EHBP1L1: variants seen among roughly 807,000 people sequenced by gnomAD.
EHBP1L1 encodes the protein EH domain-binding protein 1-like protein 1.
A neutral mutation model predicts 151.1 loss-of-function variants in EHBP1L1; 122 were observed. The observed-to-expected ratio is 0.81, with a 90% CI of 0.70 to 0.94. EHBP1L1 has a LOEUF of 0.94. Ranked by LOEUF, EHBP1L1 falls within the 40% of genes least tolerant of loss-of-function variation. EHBP1L1 has a pLI of 0.00. For missense variants in EHBP1L1, 1,941 were observed against 1,959.8 expected (o/e 0.99, Z 0.18); for synonymous variants, 878 against 810.1 (o/e 1.08, Z -1.42).
rs1857922477 is a variant in EHBP1L1, at chr11:65,585,523, CG to C, written c.3867del (p.Leu1290CysfsTer88). 2 of 1,571,724 alleles carry C rather than the reference CG, an allele frequency of 1.3e-6. No individual in the cohort carries two copies. Among genetic ancestry groups the C allele is most frequent in the Non-Finnish European group, 1.7e-6 (2 of 1,166,178 alleles). On this transcript the variant is annotated frameshift_variant, in exon 12 of 19. Transcript: ENST00000309295. LOFTEE classifies it high-confidence loss of function. The surrounding 1 kb of genome is among the most constrained non-coding windows in gnomAD (Gnocchi z 4.0). ...DADLLKKRRS[R>X]LRNSSSFSMD... ...GGACCTGCTCAAGAAGAGGCGCTCG[CG>C]GCTGCGGAACAGCAGCTCGTTCTCG...
rs759945845 is a variant in EHBP1L1 at position 65,576,289 on chromosome 11, G to C, written c.-14G>C. 1 of 1,573,658 alleles carries C rather than the reference G, an allele frequency of 6.4e-7. No homozygotes were observed. Among genetic ancestry groups the C allele is most frequent in the Non-Finnish European group, 8.6e-7 (1 of 1,162,658 alleles). Reference sequence around the variant, plus strand: ...CCCCGGGCCTGAGAAGTGGGCGGCGGGGTGGCGGGGGCCATGACCTCGGTG... The same window carrying C: ...CCCCGGGCCTGAGAAGTGGGCGGCGCGGTGGCGGGGGCCATGACCTCGGTG... On this transcript the variant is annotated 5_prime_UTR_variant, in exon 1 of 19. Transcript: ENST00000309295.
At chr11:65,584,586 G>A in intron 11 of EHBP1L1, 52 bp downstream of exon 11, 7 of 1,585,472 alleles carry the variant, frequency 4.4e-6, no homozygotes, top group Non-Finnish European at 6.0e-6. Context: ...GGAGAGCCAG[G>A]CTCTCAGTGT....
rs764228667 is a variant in EHBP1L1, at chr11:65,576,437, C to G, written c.104+31C>G. The G allele has an allele frequency of 2.7e-5, 41 of 1,539,556 alleles. No homozygotes were observed. The East Asian group carries it at 9.9e-4, about 37-fold the overall frequency. On this transcript the variant is annotated intron_variant, in intron 1 of 18. Coordinates refer to ENST00000309295, the MANE Select transcript of EHBP1L1 (RefSeq NM_001099409.3). ...TGGGAGGGAGGCGGGGGGGCTCCCCCGAACTTGCTGGGACCTCATCCGGCC... is the reference window on the plus strand; with the variant it reads ...TGGGAGGGAGGCGGGGGGGCTCCCCGGAACTTGCTGGGACCTCATCCGGCC...
At chr11:65,576,518 C>G in intron 1 of EHBP1L1, 112 bp downstream of exon 1, 2 of 933,574 alleles carry the variant, frequency 2.1e-6, no homozygotes, top group Non-Finnish European at 3.1e-6. Context: ...GGGCCCCCAC[C>G]CCAGCTTGGG....
At position 65,581,353 on chromosome 11, in the gene EHBP1L1, G is replaced by A. The variant is rs754189288; in HGVS notation, c.846G>A (p.Pro282=). The A allele has an allele frequency of 4.6e-5, 72 of 1,577,090 alleles. No individual in the cohort carries two copies. Among genetic ancestry groups the A allele is most frequent in the Middle Eastern group, 1.7e-4 (1 of 5,916 alleles). Residue 282 remains proline, a synonymous_variant, in exon 8 of 19, where the codon CCG becomes CCA. Transcript: ENST00000309295. The part of the protein sequence containing the change: ...GQVGPEAPRP[P]ETSPEMRSSR... Reference sequence around the variant, plus strand: ...TAGGCCCTGAGGCCCCAAGGCCCCCGGAAACCTCACCAGAGATGAGGTGAG... The same window carrying A: ...TAGGCCCTGAGGCCCCAAGGCCCCCAGAAACCTCACCAGAGATGAGGTGAG...
chr11:65,592,160 G>C, intron 18 of EHBP1L1, 43 bp from the exon 19 acceptor site: 1 of 1,605,500 alleles, frequency 6.2e-7, no homozygotes, highest in East Asian at 2.2e-5. Context: ...GCTGCGTGTG[G>C]ACCCCGCCCA....
chr11:65,585,701 G>T lies in EHBP1L1; in HGVS notation c.3933+110G>T. 6.8e-7 allele frequency: 1 copy of T among 1,476,238 alleles called. No individual in the cohort carries two copies. Among genetic ancestry groups the T allele is most frequent in the Admixed American group, 2.3e-5 (1 of 44,232 alleles). The allele number at this position is 1,476,238 out of a possible 1,614,324, so 91.4% of individuals were successfully genotyped here. A position where few individuals can be genotyped will look rare whatever the true frequency, so the allele number is the denominator to read the frequency against. ...GCCCCAAGGACAGAGCTGGCGCGAG[G>T]GTGACGGTTTCAGAGTGGCGGGGCT... On this transcript the variant is annotated intron_variant, in intron 12 of 18. Coordinates refer to ENST00000309295, the MANE Select transcript of EHBP1L1 (RefSeq NM_001099409.3). This position sits in a 1 kb window ranked among gnomAD's most constrained non-coding sequence, Gnocchi z 4.0.
In EHBP1L1 at chr11:65,583,084, A is replaced by C; in HGVS notation, c.2412A>C (p.Ser804=). The stretch of plus-strand genomic sequence containing the variant: ...TCCAGGTGAAAGAGGTTGGGGGTTC[A>C]GAGGTTCCAGAGATAGCGACTGGGA... ...TGIQVKEVGG[S]EVPEIATGTA... The change falls in exon 9 of 19, where the codon TCA becomes TCC. Residue 804 remains serine, a synonymous_variant. Transcript: ENST00000309295. 1 of 1,613,378 alleles carries C rather than the reference A, an allele frequency of 6.2e-7. No individual in the cohort carries two copies. The highest frequency in any genetic ancestry group is 8.5e-7 in the Non-Finnish European group (1 of 1,179,760).
intron 9 of EHBP1L1, chr11:65,584,030 G>A (rs905708630): frequency 1.4e-6 from 2 of 1,412,134 alleles, no homozygotes; most frequent in South Asian, 1.7e-5. Context: ...CTCTGATCTT[G>A]TCTGGGGGCC....
chr11:65,592,297 A>C lies in EHBP1L1; in HGVS notation c.4567A>C (p.Ser1523Arg). The change falls in exon 19 of 19, where the codon AGC becomes CGC. Residue 1523 changes from serine (S) to arginine (R), a missense_variant. Physicochemically the swap from Ser to Arg is moderately radical, Grantham distance 110. Coordinates refer to ENST00000309295, the MANE Select transcript of EHBP1L1 (RefSeq NM_001099409.3). ...QLSRRERCVL[S>R] ...GAGCCGGCGGGAGCGCTGCGTGCTG[A>C]GCTGAGGCCGCCGGCCCGGGTGGCC... 1 of 1,491,208 alleles carries C rather than the reference A, an allele frequency of 6.7e-7. No homozygotes were observed. Among genetic ancestry groups the C allele is most frequent in the Non-Finnish European group, 8.9e-7 (1 of 1,129,102 alleles). The allele number at this position is 1,491,208 out of a possible 1,614,324, so 92.4% of individuals were successfully genotyped here.
Position 65,583,355 on chromosome 11 carries a change from A to T in EHBP1L1, c.2683A>T (p.Ser895Cys), listed in dbSNP as rs185157950. The T allele has an allele frequency of 2.0e-3, 3,297 of 1,613,458 alleles. 4 individuals carry two copies. Among genetic ancestry groups the T allele is most frequent in the Non-Finnish European group, 2.6e-3 (3,030 of 1,179,704 alleles). The change falls in exon 9 of 19, where the codon AGT becomes TGT. Residue 895 changes from serine to cysteine, a missense_variant. Coordinates refer to ENST00000309295, the MANE Select transcript of EHBP1L1 (RefSeq NM_001099409.3). ...CCAGGAAGCAGAGACTAGAGTTGGG[A>T]GTGCTCTCAAATATGAGGCTTTAAG... ...GVQEAETRVGSALKYEALRAP... is the reference protein window; with the variant it reads ...GVQEAETRVGCALKYEALRAP...
intron 11 of EHBP1L1, 103 bp from the exon 12 acceptor site, chr11:65,584,856 C>T (rs1857849704): frequency 1.4e-6 from 2 of 1,439,404 alleles, no homozygotes; most frequent in Admixed American, 2.6e-5. Context: ...AGGCAAAACC[C>T]GGGGTGCCAA....
chr11:65,581,864 T>G lies in EHBP1L1; in HGVS notation c.1192T>G (p.Ser398Ala). The G allele has an allele frequency of 6.2e-7, 1 of 1,613,322 alleles. No homozygotes were observed. Residue 398 changes from serine to alanine, a missense_variant, in exon 9 of 19, where the codon TCA becomes GCA. By Grantham distance (99) the Ser-to-Ala change is moderately conservative. Coordinates refer to ENST00000309295, the MANE Select transcript of EHBP1L1 (RefSeq NM_001099409.3). ...CAGTGGGGTGGACACTGAGCCAAGGTCAGGAGGCAGAGAGGCAAACACTAA... is the reference window on the plus strand; with the variant it reads ...CAGTGGGGTGGACACTGAGCCAAGGGCAGGAGGCAGAGAGGCAAACACTAA... ...EASGVDTEPR[S>A]GGREANTKRS...
chr11:65,589,389 C>G (rs1222954050), intron 12 of EHBP1L1, among the ~76,000 whole-genome samples: 1 of 152,112 alleles, frequency 6.6e-6, no homozygotes, highest in Non-Finnish European at 1.5e-5. Context: ...GAATCTCCAT[C>G]TCAAAAAAAG....
At position 65,581,269 on chromosome 11, in the gene EHBP1L1, C is replaced by G; in HGVS notation, c.762C>G (p.Pro254=). Residue 254 remains proline, a synonymous_variant, in exon 8 of 19, where the codon CCC becomes CCG. Coordinates refer to ENST00000309295, the MANE Select transcript of EHBP1L1 (RefSeq NM_001099409.3). The part of the protein sequence containing the change: ...TSPAPVSAPA[P]PARTSRGQGS... ...CAGCCCCTGTGAGTGCTCCTGCACC[C>G]CCAGCCAGAACCTCCCGAGGCCAGG... 2 of 1,611,324 alleles carry G rather than the reference C, an allele frequency of 1.2e-6. No individual in the cohort carries two copies. Among genetic ancestry groups the G allele is most frequent in the Non-Finnish European group, 8.5e-7 (1 of 1,179,356 alleles).
Position 65,584,053 on chromosome 11 carries a change from G to A in EHBP1L1, c.3094-188G>A, listed in dbSNP as rs1857795656. 6 of 1,424,298 alleles carry A rather than the reference G, an allele frequency of 4.2e-6. No homozygotes were observed. In the South Asian group the frequency reaches 9.7e-5, roughly 23 times the overall value. 88.2% of individuals were successfully genotyped at this position (1,424,298 alleles called of 1,614,324 possible). A position where few individuals can be genotyped will look rare whatever the true frequency, so the allele number is the denominator to read the frequency against. On this transcript the variant is annotated intron_variant, in intron 9 of 18. Transcript: ENST00000309295. The stretch of plus-strand genomic sequence containing the variant: ...TTGTCTGGGGGCCACTGACCTTTTA[G>A]GTGACCTTGGCAGATAACCCTGGAT...
rs1274240516 is a variant in EHBP1L1, at chr11:65,582,896, G to A, written c.2224G>A (p.Glu742Lys). The change falls in exon 9 of 19, where the codon GAG becomes AAG. Residue 742 changes from glutamate to lysine, a missense_variant. Physicochemically the swap from Glu to Lys is moderately conservative, Grantham distance 56. Coordinates refer to ENST00000309295, the MANE Select transcript of EHBP1L1 (RefSeq NM_001099409.3). ...RDSGVREIEA[E>K]IAESDILVAQ... is the part of the protein sequence containing the mutation. ...TTCAGGGGTCAGAGAGATAGAAGCA[G>A]AGATAGCAGAGTCTGACATATTGGT... is the stretch of plus-strand genomic sequence containing the variant. The A allele has an allele frequency of 2.5e-6, 4 of 1,613,608 alleles. No homozygotes were observed. The highest frequency in any genetic ancestry group is 3.4e-6 in the Non-Finnish European group (4 of 1,179,810).
chr11:65,588,020 A>T (rs1331347328), intron 12 of EHBP1L1, among the ~76,000 whole-genome samples: 1 of 152,024 alleles, frequency 6.6e-6, no homozygotes, highest in Non-Finnish European at 1.5e-5. Flanking sequence ...GCTCTGTATA[A>T]GGGGGAGACA....
At chr11:65,580,025 G>C (rs368298677) in intron 4 of EHBP1L1, 36 bp downstream of exon 4, 109 of 1,613,580 alleles carry the variant, frequency 6.8e-5, no homozygotes, top group Non-Finnish European at 8.8e-5. Context: ...CTGGAATCTT[G>C]GGGACCCTGG....
Sources: allele counts gnomAD v4.1 joint callset (sites outside exome capture counted in the v4.1 genomes callset), GRCh38; gene constraint gnomAD v4.1.1; non-coding constraint Gnocchi (gnomAD v3.1); transcripts MANE v1.5; gene names NCBI Gene and HGNC (gene_info 2026-07-23, HGNC 2026-07-21).